NPAS3: variants seen among roughly 807,000 people sequenced by gnomAD.
The protein encoded by NPAS3 is neuronal PAS domain-containing protein 3.
In NPAS3, 14 loss-of-function variants were observed where a neutral mutation model predicts 73.1. The ratio of observed to expected loss-of-function variants is 0.19; its 90% CI spans 0.13 to 0.30. The LOEUF (loss-of-function observed/expected upper bound fraction) is 0.30, where lower values mean the gene tolerates loss of function less well. NPAS3 is among the 10% of genes least tolerant of loss of function. The probability of loss-of-function intolerance (pLI) is 1.00; values close to 1 mark genes in which losing one functional copy is unlikely to be tolerated. For missense variants in NPAS3, 1,096 were observed against 1,250.0 expected (o/e 0.88, Z 1.86); for synonymous variants, 620 against 541.5 (o/e 1.14, Z -2.01).
At chr14:33,051,296 A>AAAAAAAAAAAAAAAAAGAG (rs771840433) in intron 1 of NPAS3, among the ~76,000 whole-genome samples, 5 of 142,522 alleles carry the variant, frequency 3.5e-5, no homozygotes, top group African/African-American at 1.4e-4. Flanking sequence ...AAAAAAAAAA[A>AAAAAAAAAAAAAAAAAGAG]AGAGAGACTA....
At chr14:32,967,804 TATC>T (rs1381628294) in intron 1 of NPAS3, among the ~76,000 whole-genome samples, 1 of 151,972 alleles carries the variant, frequency 6.6e-6, no homozygotes, top group Non-Finnish European at 1.5e-5. Flanking sequence ...AAAACGGTAG[TATC>T]ATATGATCCA....
intron 2 of NPAS3, among the ~76,000 whole-genome samples, chr14:33,095,665 T>TTA (rs1566556241): frequency 7.4e-6 from 1 of 134,730 alleles, no homozygotes; most frequent in East Asian, 2.0e-4. Flanking sequence ...TGCTTTTATT[T>TTA]TTTTATTTTT....
chr14:33,675,170 A>G (rs536376621), intron 5 of NPAS3, among the ~76,000 whole-genome samples: 1 of 152,204 alleles, frequency 6.6e-6, no homozygotes, highest in South Asian at 2.1e-4. Context: ...CCCATTAGTG[A>G]CCTGGGAAAG....
intron 3 of NPAS3, among the ~76,000 whole-genome samples, chr14:33,272,678 A>G (rs1005022192): frequency 6.6e-6 from 1 of 152,056 alleles, no homozygotes; most frequent in Non-Finnish European, 1.5e-5. Flanking sequence ...CAGCCTCCCA[A>G]AGTGCTGGGA....
At chr14:33,215,426 G>T in exon 3 of NPAS3, 1 of 1,613,788 alleles carries the variant, frequency 6.2e-7, no homozygotes, top group Non-Finnish European at 8.5e-7. Flanking sequence ...ATCAGTAAAA[G>T]GTAAGTTTTA....
intron 4 of NPAS3, among the ~76,000 whole-genome samples, chr14:33,416,932 A>G (rs2048172273): frequency 6.6e-6 from 1 of 151,878 alleles, no homozygotes; most frequent in South Asian, 2.1e-4. Flanking sequence ...TTCTGGGGAG[A>G]AAAAAACAAT....
In NPAS3 at chr14:33,042,857, C is replaced by G. The variant is rs369798114; in HGVS notation, c.51-13048C>G. The stretch of plus-strand genomic sequence containing the variant: ...AGTACAGAAATGTGGGTTCTAGAGA[C>G]AGAAAAATACAAACTTTTATAGAGA... On this transcript the variant is annotated intron_variant, in intron 1 of 11. Transcript: ENST00000356141. Among the ~76,000 whole-genome samples, 128 of 152,168 alleles carry G rather than the reference C, an allele frequency of 8.4e-4. 4 individuals carry two copies. In the South Asian group the frequency reaches 0.026, roughly 31 times the overall value.
intron 3 of NPAS3, among the ~76,000 whole-genome samples, chr14:33,306,042 C>T (rs2042741024): frequency 6.6e-6 from 1 of 152,034 alleles, no homozygotes; most frequent in Non-Finnish European, 1.5e-5. Flanking sequence ...CATTTAAACA[C>T]AATTACTGTA....
chr14:33,111,663 CTT>C (rs544311732), intron 2 of NPAS3, among the ~76,000 whole-genome samples: 2 of 143,550 alleles, frequency 1.4e-5, no homozygotes, highest in African/African-American at 2.5e-5. Context: ...CTTTTTTTTT[CTT>C]TTTTTTTTTA....
At position 33,563,396 on chromosome 14, in the gene NPAS3, T is replaced by C. The variant is rs552164514; in HGVS notation, c.558+3186T>C. Among the ~76,000 whole-genome samples, 8 of 152,176 alleles carry C rather than the reference T, an allele frequency of 5.3e-5. No homozygotes were observed. The East Asian group carries it at 1.5e-3, about 29-fold the overall frequency. ...GGGACAGCTCCTGGTGTCCAGGGCA[T>C]GTGCATGCCAGGTATTCTCTTTAAA... is the stretch of plus-strand genomic sequence containing the variant. On this transcript the variant is annotated intron_variant, in intron 5 of 11. Coordinates refer to ENST00000356141, the Ensembl canonical transcript of NPAS3.
intron 1 of NPAS3, among the ~76,000 whole-genome samples, chr14:32,966,594 C>CTGCTATGAGAAAGCGTAGGGGAAA (rs1595108919): frequency 1.5e-4 from 20 of 135,946 alleles, no homozygotes; most frequent in African/African-American, 3.2e-4. Flanking sequence ...AATTATGAAA[C>CTGCTATGAGAAAGCGTAGGGGAAA]CCCGTCTCTA....
At chr14:33,258,461 A>C (rs1342279883) in intron 3 of NPAS3, among the ~76,000 whole-genome samples, 1 of 152,232 alleles carries the variant, frequency 6.6e-6, no homozygotes, top group Non-Finnish European at 1.5e-5. Context: ...TTAAGGGAGT[A>C]GTAGCAATTT....
intron 3 of NPAS3, among the ~76,000 whole-genome samples, chr14:33,260,250 C>T (rs989415809): frequency 1.3e-5 from 2 of 152,080 alleles, no homozygotes; most frequent in African/African-American, 4.8e-5. Context: ...GATTTTTGAA[C>T]ATCTGGAAAT....
intron 2 of NPAS3, among the ~76,000 whole-genome samples, chr14:33,165,019 T>G (rs892214608): frequency 3.3e-5 from 5 of 152,118 alleles, no homozygotes; most frequent in Admixed American, 3.3e-4. Context: ...TACTGAAGTG[T>G]TCTATGAAAG....
rs1356672582 is a variant in NPAS3, at chr14:33,315,730, AT to A, written c.386-51454del. ...TCAGGGGAATGGATGTTAGAGGAAG[AT>A]TCATCAGTGGGAAAAGCTATGGGGG... On this transcript the variant is annotated intron_variant, in intron 3 of 11. Coordinates refer to ENST00000356141, the Ensembl canonical transcript of NPAS3. 3.9e-5 allele frequency among the ~76,000 whole-genome samples: 6 copies of A among 152,120 alleles called. No homozygotes were observed. The East Asian group carries it at 1.2e-3, about 29-fold the overall frequency.
At chr14:33,477,415 C>A (rs61974984) in intron 4 of NPAS3, among the ~76,000 whole-genome samples, 1 of 152,154 alleles carries the variant, frequency 6.6e-6, no homozygotes, top group East Asian at 1.9e-4. Context: ...TGACATTGCT[C>A]TCACCGTCCA....
At chr14:33,157,441 A>C (rs903712828) in intron 2 of NPAS3, among the ~76,000 whole-genome samples, 5 of 152,202 alleles carry the variant, frequency 3.3e-5, no homozygotes, top group African/African-American at 1.2e-4. Context: ...TGGATGAAGA[A>C]ATTTTTACAT....
chr14:33,298,075 A>T (rs1027980542), intron 3 of NPAS3, among the ~76,000 whole-genome samples: 4 of 152,184 alleles, frequency 2.6e-5, no homozygotes, highest in Non-Finnish European at 5.9e-5. Context: ...TGAGGTCAGG[A>T]GTTCGAGACC....
At chr14:33,267,294 A>C (rs1055525642) in intron 3 of NPAS3, among the ~76,000 whole-genome samples, 3 of 152,196 alleles carry the variant, frequency 2.0e-5, no homozygotes, top group African/African-American at 4.8e-5. Context: ...GAATTTTACT[A>C]CATAAATGTA....
Sources: allele counts gnomAD v4.1 joint callset (sites outside exome capture counted in the v4.1 genomes callset), GRCh38; gene constraint gnomAD v4.1.1; transcripts MANE v1.5; gene names NCBI Gene and HGNC (gene_info 2026-07-23, HGNC 2026-07-21).